Variants in PCCA observed in about 807,000 individuals in gnomAD.
The protein encoded by PCCA is propionyl-CoA carboxylase subunit alpha.
PCCA carries 74 observed loss-of-function variants against 101.3 expected under a neutral mutation model. That is an observed-to-expected ratio of 0.73 (90% CI 0.61 to 0.89). The LOEUF (loss-of-function observed/expected upper bound fraction) is 0.89, where lower values mean the gene tolerates loss of function less well. Ranked by LOEUF, PCCA falls within the 40% of genes least tolerant of loss-of-function variation. The probability of loss-of-function intolerance (pLI) is 0.00; values close to 1 mark genes in which losing one functional copy is unlikely to be tolerated. For missense variants in PCCA, 891 were observed against 907.0 expected, an observed-to-expected ratio of 0.98 and a Z score of 0.23; for synonymous variants, 294 against 313.6, an observed-to-expected ratio of 0.94 and a Z score of 0.66.
chr13:100,173,089 C>A (rs2055866585), intron 6 of PCCA, among the ~76,000 whole-genome samples: 1 of 152,012 alleles, frequency 6.6e-6, no homozygotes, highest in Admixed American at 6.6e-5. Flanking sequence ...ATTTCAGGGT[C>A]CCAAAGGGAC....
intron 10 of PCCA, 38 bp from the exon 11 acceptor site, chr13:100,268,651 G>C (rs1337802235): frequency 2.2e-6 from 3 of 1,393,648 alleles, no homozygotes; most frequent in Admixed American, 1.7e-5. Flanking sequence ...CTTTGTGGGT[G>C]TGGTTATATG....
Position 100,463,379 on chromosome 13 carries a change from C to T in PCCA, c.1899+14074C>T, listed in dbSNP as rs144466973. Among the ~76,000 whole-genome samples, 1,030 of 120,040 alleles carry T rather than the reference C, an allele frequency of 8.6e-3. 18 individuals carry two copies. Among genetic ancestry groups the T allele is most frequent in the African/African-American group, 0.034 (1,004 of 29,864 alleles). 78.8% of individuals were successfully genotyped at this position (120,040 alleles called of 152,430 possible). A position where few individuals can be genotyped will look rare whatever the true frequency, so the allele number is the denominator to read the frequency against. On this transcript the variant is annotated intron_variant, in intron 21 of 23. Coordinates refer to ENST00000376285, the MANE Select transcript of PCCA (RefSeq NM_000282.4). ...TTTTTTGACAACTTATGGGAGTAGG[C>T]AAAGAAAGAAGAGGGTACATTTGAG...
chr13:100,516,143 AT>A (rs1188807950), intron 22 of PCCA, among the ~76,000 whole-genome samples: 4 of 152,364 alleles, frequency 2.6e-5, no homozygotes, highest in African/African-American at 9.6e-5. Context: ...ACATGGATGA[AT>A]TGATAGGATG....
intron 4 of PCCA, among the ~76,000 whole-genome samples, chr13:100,134,826 C>T (rs1017697983): frequency 6.6e-6 from 1 of 152,084 alleles, no homozygotes; most frequent in Admixed American, 6.5e-5. Context: ...GTGTGAGCCA[C>T]CATGCCTAGC....
intron 6 of PCCA, among the ~76,000 whole-genome samples, chr13:100,182,756 C>T (rs1356392127): frequency 2.0e-5 from 3 of 152,040 alleles, no homozygotes; most frequent in Admixed American, 2.0e-4. Context: ...GACCAGGGAT[C>T]CTGAAAAGAG....
chr13:100,167,592 G>T (rs2055177930), intron 6 of PCCA, among the ~76,000 whole-genome samples: 1 of 152,100 alleles, frequency 6.6e-6, no homozygotes, highest in South Asian at 2.1e-4. Context: ...GTAATTTCTT[G>T]CCAAACTCAA....
intron 19 of PCCA, among the ~76,000 whole-genome samples, chr13:100,396,894 C>T (rs764543887): frequency 5.9e-5 from 9 of 152,098 alleles, no homozygotes; most frequent in Non-Finnish European, 1.2e-4. Flanking sequence ...TCTGCCTCCC[C>T]ATTTCTGTCC....
chr13:100,514,323 C>T (rs1227522404), intron 21 of PCCA, among the ~76,000 whole-genome samples: 11 of 152,146 alleles, frequency 7.2e-5, no homozygotes, highest in Admixed American at 7.2e-4. Context: ...TGTGAAGAGG[C>T]ACTTAGAGAT....
At chr13:100,480,771 G>C (rs2083836825) in intron 21 of PCCA, among the ~76,000 whole-genome samples, 1 of 152,220 alleles carries the variant, frequency 6.6e-6, no homozygotes. Context: ...AATCCCTAGA[G>C]AAAGTAAAAA....
At chr13:100,296,886 TGGTAAAAGAAAAAAAA>T (rs2065582527) in intron 12 of PCCA, among the ~76,000 whole-genome samples, 1 of 152,196 alleles carries the variant, frequency 6.6e-6, no homozygotes, top group Admixed American at 6.5e-5. Context: ...ATGCCTTTTG[TGGTAAAAGAAAAAAAA>T]ATCTGGTTCA....
At chr13:100,474,006 A>G (rs966288376) in intron 21 of PCCA, among the ~76,000 whole-genome samples, 1 of 152,188 alleles carries the variant, frequency 6.6e-6, no homozygotes, top group Non-Finnish European at 1.5e-5. Flanking sequence ...CAATTATTCT[A>G]AGGGAATTTT....
At chr13:100,395,565 T>C (rs2077003871) in intron 19 of PCCA, among the ~76,000 whole-genome samples, 1 of 152,244 alleles carries the variant, frequency 6.6e-6, no homozygotes, top group African/African-American at 2.4e-5. Flanking sequence ...CTTGTGACTA[T>C]CTTGTGGAGT....
rs781322834 is a variant in PCCA at position 100,515,408 on chromosome 13, G to A, written c.1900-19G>A. On this transcript the variant is annotated intron_variant, in intron 21 of 23. Coordinates refer to ENST00000376285, the MANE Select transcript of PCCA (RefSeq NM_000282.4). ...TTCATTTAAACTCATTTATGGTTTG[G>A]TTTTGTTTTTCCCTTAAGTACAAGG... The A allele has an allele frequency of 6.2e-7, 1 of 1,612,340 alleles. No individual in the cohort carries two copies. The highest frequency in any genetic ancestry group is 8.5e-7 in the Non-Finnish European group (1 of 1,178,388).
chr13:100,259,081 A>G (rs1352986715), intron 9 of PCCA, among the ~76,000 whole-genome samples: 2 of 152,164 alleles, frequency 1.3e-5, no homozygotes, highest in African/African-American at 4.8e-5. Flanking sequence ...TGAACACCAT[A>G]CCACAACTTA....
intron 22 of PCCA, among the ~76,000 whole-genome samples, chr13:100,526,610 A>T (rs2087846437): frequency 6.6e-6 from 1 of 152,240 alleles, no homozygotes; most frequent in African/African-American, 2.4e-5. Context: ...CAGTGGTGTG[A>T]GGGGCCAGGA....
At chr13:100,438,183 T>C (rs184891207) in intron 20 of PCCA, among the ~76,000 whole-genome samples, 4 of 151,418 alleles carry the variant, frequency 2.6e-5, no homozygotes, top group Admixed American at 2.6e-4. Context: ...AATGATAGGG[T>C]CTTGCTCTGT....
intron 21 of PCCA, among the ~76,000 whole-genome samples, chr13:100,503,885 G>GT (rs2085873306): frequency 6.6e-6 from 1 of 152,238 alleles, no homozygotes; most frequent in South Asian, 2.1e-4. Context: ...TCCAGCCTGA[G>GT]TGACAGAGTG....
intron 21 of PCCA, among the ~76,000 whole-genome samples, chr13:100,492,799 G>C (rs891066344): frequency 1.3e-5 from 2 of 151,500 alleles, no homozygotes; most frequent in African/African-American, 4.9e-5. Flanking sequence ...TCTGAACATT[G>C]AGAGGAGTTC....
chr13:100,513,810 C>T (rs1304163561), intron 21 of PCCA, among the ~76,000 whole-genome samples: 2 of 152,174 alleles, frequency 1.3e-5, no homozygotes, highest in Admixed American at 6.5e-5. Flanking sequence ...ACACAGAAGG[C>T]GCAGCTCAGG....
Sources: allele counts gnomAD v4.1 joint callset (sites outside exome capture counted in the v4.1 genomes callset), GRCh38; gene constraint gnomAD v4.1.1; transcripts MANE v1.5; gene names NCBI Gene and HGNC (gene_info 2026-07-23, HGNC 2026-07-21).